CCDC141: variants seen among roughly 807,000 people sequenced by gnomAD.
The protein encoded by CCDC141 is coiled-coil domain-containing protein 141.
A neutral mutation model predicts 181.0 loss-of-function variants in CCDC141; 168 were observed. The observed-to-expected ratio is 0.93, with a 90% CI of 0.82 to 1.05. The LOEUF is 1.05. Ranked by LOEUF, CCDC141 falls within the 50% of genes least tolerant of loss-of-function variation. The probability of loss-of-function intolerance (pLI) is 0.00; values close to 1 mark genes in which losing one functional copy is unlikely to be tolerated. For missense variants in CCDC141, 1,902 were observed against 1,788.5 expected (o/e 1.06, Z -1.14); for synonymous variants, 666 against 642.3 (o/e 1.04, Z -0.56).
At chr2:178,963,765 C>A (rs1454506054) in intron 4 of CCDC141, among the ~76,000 whole-genome samples, 1 of 151,654 alleles carries the variant, frequency 6.6e-6, no homozygotes, top group Non-Finnish European at 1.5e-5. Flanking sequence ...TTCCACATGA[C>A]CTAGATCAGT....
rs1327355138 is a variant in CCDC141 at position 178,893,799 on chromosome 2, TCACACACACACACACACACACACGCACA to T, written c.1266-5159_1266-5132del. On this transcript the variant is annotated intron_variant, in intron 8 of 23. Coordinates refer to ENST00000443758, the MANE Select transcript of CCDC141 (RefSeq NM_173648.4). The stretch of plus-strand genomic sequence containing the variant: ...CTCCCACCAAACATTTCTCTCTCTC[TCACACACACACACACACACACACGCACA>T]CACACACACACACACACACACAATG... 2.8e-5 allele frequency among the ~76,000 whole-genome samples: 4 copies of T among 143,724 alleles called. No individual in the cohort carries two copies. In the South Asian group the frequency reaches 6.7e-4, roughly 24 times the overall value. The allele number at this position is 143,724 out of a possible 152,430, so 94.3% of individuals were successfully genotyped here.
chr2:178,986,018 A>G (rs1416515817), intron 2 of CCDC141, among the ~76,000 whole-genome samples: 1 of 152,228 alleles, frequency 6.6e-6, no homozygotes, highest in African/African-American at 2.4e-5. Flanking sequence ...CAACCAAAAA[A>G]GAGAATTTTA....
At chr2:178,983,004 T>A (rs1306420598) in intron 2 of CCDC141, among the ~76,000 whole-genome samples, 3 of 152,182 alleles carry the variant, frequency 2.0e-5, no homozygotes, top group Admixed American at 1.3e-4. Context: ...GCTCCACCTC[T>A]GGGGGCAGGG....
At chr2:178,988,656 T>C (rs1691878225) in intron 2 of CCDC141, among the ~76,000 whole-genome samples, 1 of 152,120 alleles carries the variant, frequency 6.6e-6, no homozygotes, top group Non-Finnish European at 1.5e-5. Context: ...ATTGAAGAGA[T>C]AATCCTCATA....
intron 7 of CCDC141, among the ~76,000 whole-genome samples, chr2:178,918,179 G>A (rs1283098506): frequency 2.6e-5 from 4 of 151,960 alleles, no homozygotes; most frequent in East Asian, 1.9e-4. Flanking sequence ...GGAGGCCAGC[G>A]CAGGAGGATC....
intron 2 of CCDC141, among the ~76,000 whole-genome samples, chr2:179,020,881 G>T (rs1446808541): frequency 6.6e-6 from 1 of 152,098 alleles, no homozygotes; most frequent in East Asian, 1.9e-4. Context: ...GGCAGTTAGG[G>T]TTAGCCATAA....
At chr2:179,013,500 G>A (rs939541667) in intron 2 of CCDC141, among the ~76,000 whole-genome samples, 5 of 152,120 alleles carry the variant, frequency 3.3e-5, no homozygotes, top group African/African-American at 1.2e-4. Flanking sequence ...CCATACTCAT[G>A]GATGGGTAGA....
At chr2:179,039,716 G>A (rs1038897304) in intron 2 of CCDC141, among the ~76,000 whole-genome samples, 7 of 152,054 alleles carry the variant, frequency 4.6e-5, no homozygotes, top group Non-Finnish European at 5.9e-5. Context: ...AAGTATTATT[G>A]GCTTATTGAA....
intron 7 of CCDC141, among the ~76,000 whole-genome samples, chr2:178,917,121 G>T (rs1471793597): frequency 1.3e-5 from 2 of 152,090 alleles, no homozygotes; most frequent in Non-Finnish European, 2.9e-5. Context: ...TGGAAGCATT[G>T]CTTTATAGCA....
chr2:178,923,393 C>T (rs1052683902), intron 6 of CCDC141, among the ~76,000 whole-genome samples: 1 of 152,096 alleles, frequency 6.6e-6, no homozygotes, highest in East Asian at 1.9e-4. Context: ...CGTGAGCCAC[C>T]GCGCCCGGCC....
At chr2:178,933,493 T>C (rs950222625) in intron 6 of CCDC141, among the ~76,000 whole-genome samples, 1 of 152,180 alleles carries the variant, frequency 6.6e-6, no homozygotes, top group South Asian at 2.1e-4. Flanking sequence ...TGTTGTTCTA[T>C]GGGAGTCACA....
intron 5 of CCDC141, among the ~76,000 whole-genome samples, chr2:178,959,255 C>T (rs1690293801): frequency 6.6e-6 from 1 of 151,090 alleles, no homozygotes; most frequent in South Asian, 2.1e-4. Flanking sequence ...AACAAACCTG[C>T]ATGTTGTGAA....
chr2:178,981,703 A>AGAGAG (rs1559024903), intron 2 of CCDC141, among the ~76,000 whole-genome samples: 12 of 108,808 alleles, frequency 1.1e-4, no homozygotes, highest in African/African-American at 3.8e-4. Context: ...GAGAGAGAGA[A>AGAGAG]AAAAAAACCT....
chr2:178,854,630 G>T (rs186641130), intron 19 of CCDC141, among the ~76,000 whole-genome samples: 143 of 152,258 alleles, frequency 9.4e-4, no homozygotes, highest in African/African-American at 3.3e-3. Flanking sequence ...GTTAGAAGTT[G>T]GTTTTAAATA....
At chr2:178,858,292 C>T (rs1027138) in intron 17 of CCDC141, among the ~76,000 whole-genome samples, 42,357 of 151,920 alleles carry the variant, frequency 0.28, 7,272 homozygotes, top group Non-Finnish European at 0.39. Context: ...TTACATTCTA[C>T]GGCACTCAAT....
At position 178,856,260 on chromosome 2, in the gene CCDC141, C is replaced by T. The variant is rs146231973; in HGVS notation, c.2862G>A (p.Met954Ile). 2 of 1,603,972 alleles carry T rather than the reference C, an allele frequency of 1.2e-6. No homozygotes were observed. The highest frequency in any genetic ancestry group is 1.1e-5 in the South Asian group (1 of 89,436). Residue 954 changes from methionine (M) to isoleucine (I), a missense_variant, in exon 18 of 24, where the codon ATG (methionine) becomes ATA (isoleucine). Coordinates refer to ENST00000443758, the MANE Select transcript of CCDC141 (RefSeq NM_173648.4). ...IQQVDMYAEK[M>I]QALKRKMEKV... ...ACAAACCATACTTTCTTGTTACCTGCATTTTTTCAGCATACATATCAACTT... is the reference window on the plus strand; with the variant it reads ...ACAAACCATACTTTCTTGTTACCTGTATTTTTTCAGCATACATATCAACTT...
At chr2:178,882,599 C>T (rs13000459) in intron 11 of CCDC141, among the ~76,000 whole-genome samples, 72,608 of 151,324 alleles carry the variant, frequency 0.48, 19,348 homozygotes, top group Non-Finnish European at 0.62. Flanking sequence ...TTTTCAGGGA[C>T]GTATGAGTTA....
intron 2 of CCDC141, among the ~76,000 whole-genome samples, chr2:178,990,371 A>G (rs1261994452): frequency 6.6e-6 from 1 of 152,024 alleles, no homozygotes; most frequent in Non-Finnish European, 1.5e-5. Context: ...GTCCACACAA[A>G]AGCAAGCACA....
intron 17 of CCDC141, among the ~76,000 whole-genome samples, chr2:178,859,554 T>C (rs1030149647): frequency 2.6e-5 from 4 of 152,112 alleles, no homozygotes; most frequent in Non-Finnish European, 5.9e-5. Flanking sequence ...GTTAGAAATC[T>C]TGAAATGGTG....
Sources: gnomAD v4.1 joint callset for allele counts (sites outside exome capture counted in the v4.1 genomes callset) on GRCh38, gnomAD v4.1.1 for gene constraint, MANE v1.5 for transcripts, NCBI Gene and HGNC (gene_info 2026-07-23, HGNC 2026-07-21) for gene names.